The following ZDHHC14 variants were observed in gnomAD, a reference collection of about 807,000 sequenced individuals.
The protein encoded by ZDHHC14 is palmitoyltransferase ZDHHC14.
A neutral mutation model predicts 47.7 loss-of-function variants in ZDHHC14; 16 were observed. The observed-to-expected ratio is 0.34, with a 90% CI of 0.23 to 0.51. ZDHHC14 has a LOEUF of 0.51. ZDHHC14 is among the 20% of genes least tolerant of loss of function. The pLI is 0.97. For synonymous variants in ZDHHC14, 293 were observed against 278.9 expected (o/e 1.05, Z -0.50); for missense variants, 515 against 662.5 (o/e 0.78, Z 2.44).
intron 2 of ZDHHC14, among the ~76,000 whole-genome samples, chr6:157,545,817 G>A (rs1781948519): frequency 6.6e-6 from 1 of 152,172 alleles, no homozygotes; most frequent in Non-Finnish European, 1.5e-5. Flanking sequence ...TTCTCTAGTT[G>A]CGTGACTTAG....
intron 1 of ZDHHC14, among the ~76,000 whole-genome samples, chr6:157,405,674 G>C (rs1240759405): frequency 6.6e-6 from 1 of 152,112 alleles, no homozygotes; most frequent in Non-Finnish European, 1.5e-5. Context: ...TAATAATCAT[G>C]GTGCATTTTT....
At chr6:157,484,304 TAC>T (rs1562443808) in intron 1 of ZDHHC14, among the ~76,000 whole-genome samples, 7 of 94,128 alleles carry the variant, frequency 7.4e-5, no homozygotes, top group African/African-American at 1.2e-4. Context: ...TATATATATA[TAC>T]ATATATATAC....
intron 3 of ZDHHC14, among the ~76,000 whole-genome samples, chr6:157,622,973 G>A (rs540485821): frequency 1.3e-3 from 202 of 152,302 alleles, no homozygotes; most frequent in Non-Finnish European, 2.4e-3. Context: ...GAGCCAGCTG[G>A]ATGAAAGAGG....
intron 1 of ZDHHC14, among the ~76,000 whole-genome samples, chr6:157,404,101 C>T (rs1317218042): frequency 1.3e-5 from 2 of 152,296 alleles, no homozygotes; most frequent in East Asian, 1.9e-4. Context: ...GTCTATTGTA[C>T]AAAAATAGAA....
At chr6:157,593,254 G>A (rs921682592) in intron 3 of ZDHHC14, 108 bp downstream of exon 3, 26 of 1,365,200 alleles carry the variant, frequency 1.9e-5, no homozygotes, top group South Asian at 4.3e-5. Flanking sequence ...ATATTTCAGC[G>A]CATTTGCATG....
In ZDHHC14 at chr6:157,410,020, C is replaced by T. The variant is rs910484736; in HGVS notation, c.245+27754C>T. 5.3e-5 allele frequency among the ~76,000 whole-genome samples: 8 copies of T among 151,930 alleles called. No individual in the cohort carries two copies. The East Asian group carries it at 9.7e-4, about 18-fold the overall frequency. The stretch of plus-strand genomic sequence containing the variant: ...CTAATTTTTGTGTTTTTAGTAGAGA[C>T]GGGTATCACCATGTTGGCCAGGCTG... On this transcript the variant is annotated intron_variant, in intron 1 of 8. Coordinates refer to ENST00000359775, the MANE Select transcript of ZDHHC14 (RefSeq NM_024630.3).
chr6:157,415,777 G>C (rs751800671), intron 1 of ZDHHC14, among the ~76,000 whole-genome samples: 1 of 152,108 alleles, frequency 6.6e-6, no homozygotes, highest in Non-Finnish European at 1.5e-5. Flanking sequence ...GGGAGGCTGA[G>C]GCAGGAGAAT....
chr6:157,656,746 C>CCCTTG (rs1468648548), intron 8 of ZDHHC14, among the ~76,000 whole-genome samples: 12 of 151,228 alleles, frequency 7.9e-5, no homozygotes, highest in Admixed American at 7.9e-4. Flanking sequence ...AGACTCCTTG[C>CCCTTG]CCTCCTGTTC....
At chr6:157,477,222 A>C (rs891339553) in intron 1 of ZDHHC14, among the ~76,000 whole-genome samples, 1 of 152,192 alleles carries the variant, frequency 6.6e-6, no homozygotes, top group Non-Finnish European at 1.5e-5. Flanking sequence ...TCTACTAAAA[A>C]TACAAAAATT....
chr6:157,658,254 G>T (rs1311279870), intron 8 of ZDHHC14, among the ~76,000 whole-genome samples: 3 of 152,104 alleles, frequency 2.0e-5, no homozygotes, highest in Non-Finnish European at 2.9e-5. Flanking sequence ...CCTGATGATT[G>T]GCAGGTCACT....
At chr6:157,665,737 G>A (rs1399015487) in intron 8 of ZDHHC14, among the ~76,000 whole-genome samples, 1 of 152,158 alleles carries the variant, frequency 6.6e-6, no homozygotes, top group Non-Finnish European at 1.5e-5. Context: ...TCTCAAAAAT[G>A]GGAAAATTCA....
intron 1 of ZDHHC14, among the ~76,000 whole-genome samples, chr6:157,494,441 G>A (rs1173165807): frequency 6.6e-6 from 1 of 152,226 alleles, no homozygotes; most frequent in Non-Finnish European, 1.5e-5. Context: ...GTCTGGAGAG[G>A]TAGACAGGGC....
chr6:157,669,154 A>G (rs1778680669), intron 8 of ZDHHC14, among the ~76,000 whole-genome samples: 1 of 152,206 alleles, frequency 6.6e-6, no homozygotes, highest in African/African-American at 2.4e-5. Context: ...CCAACAGGGA[A>G]CACAGTCTCT....
At chr6:157,613,886 G>A (rs570714622) in intron 3 of ZDHHC14, among the ~76,000 whole-genome samples, 6 of 152,238 alleles carry the variant, frequency 3.9e-5, no homozygotes, top group Admixed American at 2.0e-4. Flanking sequence ...GTCTAAGAAC[G>A]GTTGCCCTGG....
rs373142494 is a variant in ZDHHC14, at chr6:157,596,818, C to T, written c.565+3672C>T. ...CGGCACACTGAGGGGCCAGTAAGCGCGTGGCTCTGGCCATTGATGGTCTCA... is the reference window on the plus strand; with the variant it reads ...CGGCACACTGAGGGGCCAGTAAGCGTGTGGCTCTGGCCATTGATGGTCTCA... On this transcript the variant is annotated intron_variant, in intron 3 of 8. Transcript: ENST00000359775. Among the ~76,000 whole-genome samples, 59 of 152,302 alleles carry T rather than the reference C, an allele frequency of 3.9e-4. 1 individual carries two copies. Among genetic ancestry groups the T allele is most frequent in the African/African-American group, 1.3e-3 (52 of 41,560 alleles).
At chr6:157,653,751 C>A in intron 8 of ZDHHC14, 124 bp downstream of exon 8, 1 of 835,666 alleles carries the variant, frequency 1.2e-6, no homozygotes, top group Non-Finnish European at 1.9e-6. Context: ...AGCCGCCCAC[C>A]CCATGACTAC....
intron 1 of ZDHHC14, among the ~76,000 whole-genome samples, chr6:157,432,739 G>A (rs1023656110): frequency 5.3e-5 from 8 of 152,176 alleles, no homozygotes; most frequent in Non-Finnish European, 1.0e-4. Flanking sequence ...TGGCAAAATG[G>A]CTTTCATGCC....
intron 6 of ZDHHC14, 68 bp from the exon 7 acceptor site, chr6:157,647,191 T>C: frequency 9.3e-7 from 1 of 1,074,556 alleles, no homozygotes; most frequent in Non-Finnish European, 1.4e-6. Context: ...CCTCTCATGG[T>C]CCAGCTCACC....
intron 2 of ZDHHC14, among the ~76,000 whole-genome samples, chr6:157,548,627 G>A (rs978577277): frequency 4.0e-4 from 61 of 152,240 alleles, no homozygotes; most frequent in South Asian, 6.2e-4. Flanking sequence ...TGTATTTTTA[G>A]TAAAGATGGG....
Sources: allele counts gnomAD v4.1 joint callset (sites outside exome capture counted in the v4.1 genomes callset), GRCh38; gene constraint gnomAD v4.1.1; transcripts MANE v1.5; gene names NCBI Gene and HGNC (gene_info 2026-07-23, HGNC 2026-07-21).